The following IL27RA variants were observed in gnomAD, a reference collection of about 807,000 sequenced individuals.
IL27RA encodes the protein interleukin 27 receptor subunit alpha, also known as interleukin-27 receptor subunit alpha.
IL27RA carries 61 observed loss-of-function variants against 80.8 expected under a neutral mutation model. That is an observed-to-expected ratio of 0.76 (90% CI 0.61 to 0.93). The LOEUF (loss-of-function observed/expected upper bound fraction) is 0.93. Ranked by LOEUF, IL27RA falls within the 40% of genes least tolerant of loss-of-function variation. The pLI, the probability that IL27RA is intolerant of heterozygous loss-of-function variation, is 0.00. For synonymous variants in IL27RA, 316 were observed against 332.5 expected (o/e 0.95, Z 0.54); for missense variants, 735 against 808.1 (o/e 0.91, Z 1.10).
intron 2 of IL27RA, among the ~76,000 whole-genome samples, chr19:14,033,321 A>G (rs1415773268): frequency 6.9e-6 from 1 of 143,936 alleles, no homozygotes; most frequent in African/African-American, 2.6e-5. Flanking sequence ...CTGGTCTTGA[A>G]CTCCTGACCT....
At chr19:14,050,666 GGAGA>G (rs950872707) in intron 10 of IL27RA, 88 bp from the exon 11 acceptor site, 11 of 1,367,364 alleles carry the variant, frequency 8.0e-6, no homozygotes, top group African/African-American at 2.9e-5. Flanking sequence ...TGGATACCTG[GGAGA>G]GAGTGTTGCA....
At position 14,031,883 on chromosome 19, in the gene IL27RA, GCA is replaced by G. The variant is rs759361430; in HGVS notation, c.12_13del (p.Arg5GlyfsTer96). On this transcript the variant is annotated frameshift_variant, in exon 1 of 14. Transcript: ENST00000263379. LOFTEE classifies it high-confidence loss of function. ...CTCCCGAGGGACGCCATGCGGGGAG[GCA>G]GGGGCGCCCCTTTCTGGCTGTGGCC... 11 of 1,600,060 alleles carry G rather than the reference GCA, an allele frequency of 6.9e-6. No homozygotes were observed. In the South Asian group the frequency reaches 1.1e-4, roughly 16 times the overall value.
chr19:14,048,483 T>C (rs1029850630), intron 8 of IL27RA, among the ~76,000 whole-genome samples: 2 of 152,086 alleles, frequency 1.3e-5, no homozygotes, highest in Admixed American at 1.3e-4. Context: ...GCTACCATGG[T>C]AGGTGCTGTC....
intron 6 of IL27RA, among the ~76,000 whole-genome samples, chr19:14,044,050 CA>C (rs111909254): frequency 0.34 from 29,187 of 85,234 alleles, 3,042 homozygotes; most frequent in South Asian, 0.52. Flanking sequence ...CTCTGTCTCA[CA>C]AAAAAAAAAA....
In IL27RA at chr19:14,042,444, C is replaced by G. The variant is rs1568501206; in HGVS notation, c.535-9C>G. On this transcript the variant is annotated splice_polypyrimidine_tract_variant and intron_variant, in intron 4 of 13. Transcript: ENST00000263379. Reference sequence around the variant, plus strand: ...CTGGGCCCATCACGCTCGCCTGTCTCTCCCCCAGCTGGAACCGGAGCTGAA... The same window carrying G: ...CTGGGCCCATCACGCTCGCCTGTCTGTCCCCCAGCTGGAACCGGAGCTGAA... 8.7e-6 allele frequency: 14 copies of G among 1,613,064 alleles called. No individual in the cohort carries two copies. The East Asian group carries it at 2.7e-4, about 31-fold the overall frequency.
At chr19:14,051,790 C>A in intron 12 of IL27RA, 90 bp downstream of exon 12, 2 of 1,420,186 alleles carry the variant, frequency 1.4e-6, no homozygotes, top group Non-Finnish European at 9.8e-7. Context: ...AGGGAGGCCT[C>A]AGGGCGCAGT....
At chr19:14,041,488 A>G (rs1975988569) in intron 4 of IL27RA, among the ~76,000 whole-genome samples, 1 of 152,082 alleles carries the variant, frequency 6.6e-6, no homozygotes, top group Middle Eastern at 3.2e-3. Flanking sequence ...GGCGTGAGCC[A>G]CCTCACCCGG....
At position 14,046,444 on chromosome 19, in the gene IL27RA, C is replaced by T; in HGVS notation, c.967C>T (p.Pro323Ser). The T allele has an allele frequency of 1.2e-6, 2 of 1,614,132 alleles. No individual in the cohort carries two copies. Among genetic ancestry groups the T allele is most frequent in the Non-Finnish European group, 8.5e-7 (1 of 1,180,024 alleles). The change falls in exon 8 of 14, where the codon CCC (proline) becomes TCC (serine). Residue 323 changes from proline to serine, a missense_variant. Pro to Ser is a moderately conservative substitution (Grantham distance 74). Coordinates refer to ENST00000263379, the MANE Select transcript of IL27RA (RefSeq NM_004843.4). ...CCACCCTCCAGATTCAGCCTCTGCC[C>T]CCCGTAGCGTGGCAGTCAGCAGCAT... ...SLVCLDSASA[P>S]RSVAVSSIAG...
Position 14,051,653 on chromosome 19 carries a change from G to C in IL27RA, c.1575G>C (p.Trp525Cys). The C allele has an allele frequency of 6.2e-7, 1 of 1,613,334 alleles. No homozygotes were observed. Residue 525 changes from tryptophan to cysteine, a missense_variant, in exon 12 of 14, where the codon TGG becomes TGC. Trp to Cys is a radical substitution (Grantham distance 215). Transcript: ENST00000263379. ...TTCTGCCGGGCATCCTATTCTTGTG[G>C]GGCTTGTTCCTGTTGGGGTGTGGCC... is the stretch of plus-strand genomic sequence containing the variant. ...WKVLPGILFL[W>C]GLFLLGCGLS...
At chr19:14,036,088 A>AG (rs1164521815) in intron 2 of IL27RA, among the ~76,000 whole-genome samples, 3 of 151,364 alleles carry the variant, frequency 2.0e-5, no homozygotes, top group Admixed American at 6.6e-5. Flanking sequence ...AAAAAAAAAA[A>AG]AAAGAAAGAA....
At chr19:14,050,553 G>A (rs1236402999) in intron 10 of IL27RA, among the ~76,000 whole-genome samples, 1 of 151,996 alleles carries the variant, frequency 6.6e-6, no homozygotes, top group African/African-American at 2.4e-5. Context: ...AGGAAGGTGG[G>A]TGGTGAAGGG....
intron 11 of IL27RA, 37 bp from the exon 12 acceptor site, chr19:14,051,570 T>TA (rs1976165019): frequency 1.7e-6 from 2 of 1,175,328 alleles, no homozygotes; most frequent in African/African-American, 1.6e-5. Context: ...TAAAATAAAA[T>TA]AAAAAATTAA....
chr19:14,050,934 G>A, intron 11 of IL27RA, 51 bp downstream of exon 11: 1 of 1,551,420 alleles, frequency 6.4e-7, no homozygotes, highest in South Asian at 1.2e-5. Context: ...ACTCCACAGT[G>A]GGGAGAGGTA....
At chr19:14,042,822 A>T in intron 6 of IL27RA, 33 bp downstream of exon 6, 1 of 1,576,314 alleles carries the variant, frequency 6.3e-7, no homozygotes, top group Non-Finnish European at 8.7e-7. Flanking sequence ...ATTTCTCTGC[A>T]CGTGTTAGGA....
Position 14,031,789 on chromosome 19 carries a change from G to A in IL27RA, c.-84G>A. Reference sequence around the variant, plus strand: ...TCGGCTTCCCGTTGCCGCCTCGGGCGCTGTACCCAGAGCTCGAAGAGGAGC... The same window carrying A: ...TCGGCTTCCCGTTGCCGCCTCGGGCACTGTACCCAGAGCTCGAAGAGGAGC... On this transcript the variant is annotated 5_prime_UTR_variant, in exon 1 of 14. Coordinates refer to ENST00000263379, the MANE Select transcript of IL27RA (RefSeq NM_004843.4). 1.7e-6 allele frequency: 2 copies of A among 1,181,420 alleles called. No homozygotes were observed. The highest frequency in any genetic ancestry group is 2.7e-5 in the East Asian group (1 of 37,508). 73.2% of individuals were successfully genotyped at this position (1,181,420 alleles called of 1,614,324 possible).
intron 2 of IL27RA, among the ~76,000 whole-genome samples, chr19:14,039,274 T>TAAA (rs34637852): frequency 2.7e-3 from 393 of 145,112 alleles, no homozygotes; most frequent in Non-Finnish European, 4.3e-3. Context: ...GTGACTGTCT[T>TAAA]AAAAAAAAAA....
chr19:14,040,493 TG>T (rs1433941703), intron 4 of IL27RA, among the ~76,000 whole-genome samples: 5 of 152,006 alleles, frequency 3.3e-5, no homozygotes, highest in Admixed American at 2.6e-4. Context: ...GAGACCAGCC[TG>T]GGCAGGATAG....
chr19:14,042,555 G>C lies in IL27RA; in HGVS notation c.637G>C (p.Glu213Gln). The change falls in exon 5 of 14, where the codon GAA becomes CAA. Residue 213 changes from glutamate to glutamine, a missense_variant. Coordinates refer to ENST00000263379, the MANE Select transcript of IL27RA (RefSeq NM_004843.4). ...KVYGRCRMEK[E>Q]EDLWGEWSPI... The stretch of plus-strand genomic sequence containing the variant: ...GTATGGCCGCTGCCGGATGGAGAAA[G>C]AAGAGGATTTGTGGGGCGAGTGGAG... 1 of 1,614,202 alleles carries C rather than the reference G, an allele frequency of 6.2e-7. No homozygotes were observed. The highest frequency in any genetic ancestry group is 8.5e-7 in the Non-Finnish European group (1 of 1,180,048).
At chr19:14,042,383 A>G (rs1398193852) in intron 4 of IL27RA, 70 bp from the exon 5 acceptor site, 2 of 1,513,108 alleles carry the variant, frequency 1.3e-6, no homozygotes, top group Non-Finnish European at 1.8e-6. Flanking sequence ...CAAAGGAAAA[A>G]AAAAAAGATA....
Sources: gnomAD v4.1 joint callset for allele counts (sites outside exome capture counted in the v4.1 genomes callset) on GRCh38, gnomAD v4.1.1 for gene constraint, MANE v1.5 for transcripts, NCBI Gene and HGNC (gene_info 2026-07-23, HGNC 2026-07-21) for gene names.